The following GRXCR1 variants were observed in gnomAD, a reference collection of about 807,000 sequenced individuals.
GRXCR1 encodes the protein glutaredoxin domain-containing cysteine-rich protein 1.
In GRXCR1, 27 loss-of-function variants were observed where a neutral mutation model predicts 27.3. That is an observed-to-expected ratio of 0.99 (90% CI 0.73 to 1.37). The LOEUF is 1.37. Among genes scored for constraint, GRXCR1 ranks in the 40% most tolerant of loss-of-function variants. The pLI is 0.00. For missense variants in GRXCR1, 379 were observed against 354.4 expected, an observed-to-expected ratio of 1.07 and a Z score of -0.56; for synonymous variants, 122 against 131.1, an observed-to-expected ratio of 0.93 and a Z score of 0.47.
chr4:42,893,207 A>C lies in GRXCR1; in HGVS notation c.-60A>C. On this transcript the variant is annotated 5_prime_UTR_variant, in exon 1 of 4. Transcript: ENST00000399770. ...TCTGATATTGCTATCTGGCAAGTGGACTAGTGCAGTAACAACGGGTCCAGA... is the reference window on the plus strand; with the variant it reads ...TCTGATATTGCTATCTGGCAAGTGGCCTAGTGCAGTAACAACGGGTCCAGA... The C allele has an allele frequency of 6.3e-7, 1 of 1,595,328 alleles. No individual in the cohort carries two copies. The highest frequency in any genetic ancestry group is 8.6e-7 in the Non-Finnish European group (1 of 1,164,442).
chr4:42,894,882 A>G (rs923503233), intron 1 of GRXCR1, among the ~76,000 whole-genome samples: 5 of 151,606 alleles, frequency 3.3e-5, no homozygotes, highest in Non-Finnish European at 2.9e-5. Context: ...TGCAGAAATT[A>G]TTATTGCTAA....
intron 2 of GRXCR1, among the ~76,000 whole-genome samples, 161 bp from the exon 3 acceptor site, chr4:43,020,193 A>G (rs906453810): frequency 6.6e-6 from 1 of 152,154 alleles, no homozygotes; most frequent in African/African-American, 2.4e-5. Context: ...GCAGTAAGGA[A>G]AAATGTCTTC....
At chr4:42,972,939 T>C (rs1180421646) in intron 2 of GRXCR1, among the ~76,000 whole-genome samples, 1 of 152,118 alleles carries the variant, frequency 6.6e-6, no homozygotes, top group African/African-American at 2.4e-5. Context: ...AGTAACGTCC[T>C]GCTTTGGTCA....
Position 42,938,169 on chromosome 4 carries a change from A to G in GRXCR1, c.385-24723A>G, listed in dbSNP as rs981672371. The stretch of plus-strand genomic sequence containing the variant: ...ATTTAGCCCCAATAAATGAGTTACA[A>G]TATGTGAAGCTTGTCTTTCTGTGTC... On this transcript the variant is annotated intron_variant, in intron 1 of 3. Transcript: ENST00000399770. 2.6e-5 allele frequency among the ~76,000 whole-genome samples: 4 copies of G among 152,144 alleles called. No homozygotes were observed. The East Asian group carries it at 7.8e-4, about 29-fold the overall frequency.
At chr4:43,013,929 C>T (rs1037815356) in intron 2 of GRXCR1, among the ~76,000 whole-genome samples, 9 of 151,850 alleles carry the variant, frequency 5.9e-5, no homozygotes, top group Admixed American at 2.0e-4. Flanking sequence ...TCAGGATTGG[C>T]CTCTATGGGA....
chr4:43,015,040 C>T (rs16855214), intron 2 of GRXCR1, among the ~76,000 whole-genome samples: 3 of 151,986 alleles, frequency 2.0e-5, no homozygotes, highest in Middle Eastern at 3.4e-3. Flanking sequence ...AGGATGCATA[C>T]GAGTTTCCCA....
chr4:42,900,537 A>G (rs995440911), intron 1 of GRXCR1, among the ~76,000 whole-genome samples: 1 of 152,146 alleles, frequency 6.6e-6, no homozygotes, highest in African/African-American at 2.4e-5. Context: ...AATTAATTAT[A>G]AGAAATTTAA....
At chr4:42,898,306 T>C (rs1421638153) in intron 1 of GRXCR1, among the ~76,000 whole-genome samples, 2 of 151,992 alleles carry the variant, frequency 1.3e-5, no homozygotes, top group Admixed American at 6.6e-5. Context: ...CAATTCAGCT[T>C]TGAATTGTAT....
chr4:42,935,708 G>A (rs1747439677), intron 1 of GRXCR1, among the ~76,000 whole-genome samples: 1 of 151,854 alleles, frequency 6.6e-6, no homozygotes, highest in African/African-American at 2.4e-5. Context: ...GGGTGTGAAT[G>A]CCAGGCAGAA....
chr4:43,025,053 G>T (rs1713209456), intron 3 of GRXCR1, among the ~76,000 whole-genome samples: 1 of 152,148 alleles, frequency 6.6e-6, no homozygotes, highest in Non-Finnish European at 1.5e-5. Context: ...AAGAAGACAT[G>T]AAGACTCTTG....
intron 1 of GRXCR1, among the ~76,000 whole-genome samples, chr4:42,953,549 G>C (rs1747931155): frequency 2.0e-5 from 3 of 152,136 alleles, no homozygotes; most frequent in Admixed American, 2.0e-4. Context: ...CCCAGCTGGT[G>C]GGAAGTGTAG....
At chr4:42,894,771 C>T (rs1299068892) in intron 1 of GRXCR1, among the ~76,000 whole-genome samples, 2 of 151,968 alleles carry the variant, frequency 1.3e-5, no homozygotes, top group African/African-American at 4.8e-5. Flanking sequence ...AAATCAGAAA[C>T]TGATGTTGTG....
At chr4:42,980,233 G>T (rs1440983773) in intron 2 of GRXCR1, among the ~76,000 whole-genome samples, 3 of 149,506 alleles carry the variant, frequency 2.0e-5, no homozygotes. Context: ...TGTAACATTA[G>T]GTTGTTTATT....
chr4:42,910,556 A>T (rs1332405229), intron 1 of GRXCR1, among the ~76,000 whole-genome samples: 1 of 152,116 alleles, frequency 6.6e-6, no homozygotes, highest in Non-Finnish European at 1.5e-5. Context: ...ATAGAAAATA[A>T]ATGATTCAGG....
chr4:43,030,641 A>C lies in GRXCR1; in HGVS notation c.*101A>C, dbSNP rs1476672743. The C allele has an allele frequency of 3.2e-6, 3 of 944,344 alleles. No homozygotes were observed. The African/African-American group carries it at 5.0e-5, about 16-fold the overall frequency. 58.5% of individuals were successfully genotyped at this position (944,344 alleles called of 1,614,324 possible). ...TGGTTATGTTTATGGATTAATCAAT[A>C]AACTTTGTTTATTATAATTGTCTTT... On this transcript the variant is annotated 3_prime_UTR_variant, in exon 4 of 4. Coordinates refer to ENST00000399770, the MANE Select transcript of GRXCR1 (RefSeq NM_001080476.3).
intron 2 of GRXCR1, among the ~76,000 whole-genome samples, chr4:43,005,630 G>T (rs1048385285): frequency 1.3e-5 from 2 of 152,146 alleles, no homozygotes; most frequent in Non-Finnish European, 1.5e-5. Flanking sequence ...TCAAGCCACA[G>T]AATTTTGCCT....
chr4:42,907,839 G>A (rs1477218252), intron 1 of GRXCR1, among the ~76,000 whole-genome samples: 1 of 152,126 alleles, frequency 6.6e-6, no homozygotes, highest in Non-Finnish European at 1.5e-5. Flanking sequence ...CTGGGATCAA[G>A]GACTTGGACT....
At chr4:42,995,687 G>A (rs534229795) in intron 2 of GRXCR1, among the ~76,000 whole-genome samples, 3 of 152,074 alleles carry the variant, frequency 2.0e-5, no homozygotes, top group South Asian at 2.1e-4. Context: ...GTATATGTAC[G>A]CCACTCTTTC....
At chr4:42,904,330 C>T (rs1746536047) in intron 1 of GRXCR1, among the ~76,000 whole-genome samples, 1 of 152,288 alleles carries the variant, frequency 6.6e-6, no homozygotes, top group South Asian at 2.1e-4. Flanking sequence ...TGAAAACATT[C>T]TTCTATCAAT....
Sources: gnomAD v4.1 joint callset for allele counts (sites outside exome capture counted in the v4.1 genomes callset) on GRCh38, gnomAD v4.1.1 for gene constraint, MANE v1.5 for transcripts, NCBI Gene and HGNC (gene_info 2026-07-23, HGNC 2026-07-21) for gene names.